The following SSBP3 variants were observed in gnomAD, a reference collection of about 807,000 sequenced individuals.
The protein encoded by SSBP3 is single stranded DNA binding protein 3.
In SSBP3, 5 loss-of-function variants were observed where a neutral mutation model predicts 69.6. That is an observed-to-expected ratio of 0.07 (90% CI 0.04 to 0.15). The LOEUF (loss-of-function observed/expected upper bound fraction) is 0.15, where lower values mean the gene tolerates loss of function less well. Ranked by LOEUF, SSBP3 falls within the 10% of genes least tolerant of loss-of-function variation. SSBP3 has a pLI of 1.00. For missense variants in SSBP3, 312 were observed against 534.0 expected (o/e 0.58, Z 4.10); for synonymous variants, 196 against 193.4 (o/e 1.01, Z -0.11).
At chr1:54,261,410 G>A (rs1645015668) in intron 5 of SSBP3, among the ~76,000 whole-genome samples, 1 of 152,224 alleles carries the variant, frequency 6.6e-6, no homozygotes, top group Non-Finnish European at 1.5e-5. Flanking sequence ...TCGGGCAAAA[G>A]GCTACACAGG....
intron 14 of SSBP3, chr1:54,237,572 T>C (rs1226125332): frequency 6.5e-6 from 1 of 154,012 alleles, no homozygotes; most frequent in African/African-American, 2.4e-5. Flanking sequence ...CTGTTTGGGT[T>C]CTTTCCTCCC....
chr1:54,412,242 T>C (rs1650013301), intron 1 of SSBP3, among the ~76,000 whole-genome samples: 1 of 149,794 alleles, frequency 6.7e-6, no homozygotes, highest in Non-Finnish European at 1.5e-5. Context: ...GGCAGAAGAA[T>C]CGCTTGAACC....
intron 1 of SSBP3, among the ~76,000 whole-genome samples, chr1:54,411,799 G>A (rs1264247996): frequency 6.6e-6 from 1 of 151,318 alleles, no homozygotes; most frequent in Non-Finnish European, 1.5e-5. Context: ...GGCTGAGGCA[G>A]GAGAAAGGCA....
chr1:54,263,109 G>C (rs1220420880), intron 5 of SSBP3, among the ~76,000 whole-genome samples: 1 of 152,200 alleles, frequency 6.6e-6, no homozygotes. Context: ...GGGTGTGATC[G>C]AGGCAAACAC....
upstream of SSBP3, among the ~76,000 whole-genome samples, chr1:54,409,798 C>T (rs187380095): frequency 6.5e-4 from 99 of 152,170 alleles, no homozygotes; most frequent in Non-Finnish European, 1.1e-3. Flanking sequence ...GCTTATTGAA[C>T]GCCTGCTATA....
At chr1:54,257,059 G>C (rs1268043885) in intron 7 of SSBP3, 68 bp downstream of exon 7, 24 of 1,481,496 alleles carry the variant, frequency 1.6e-5, no homozygotes, top group Non-Finnish European at 2.1e-5. Context: ...CTTTCATTTT[G>C]TGTCAAAGTC....
chr1:54,338,686 A>G (rs977577783), intron 4 of SSBP3, among the ~76,000 whole-genome samples: 5 of 152,246 alleles, frequency 3.3e-5, no homozygotes, highest in Non-Finnish European at 5.9e-5. Flanking sequence ...ACAGGGACCC[A>G]ACCACAAGCA....
At chr1:54,359,324 T>C (rs1237446474) in intron 4 of SSBP3, among the ~76,000 whole-genome samples, 1 of 151,766 alleles carries the variant, frequency 6.6e-6, no homozygotes, top group Non-Finnish European at 1.5e-5. Context: ...GGCTACCCTG[T>C]CTGGTAGTGA....
chr1:54,364,626 G>A (rs554195466), intron 4 of SSBP3, among the ~76,000 whole-genome samples: 1 of 152,202 alleles, frequency 6.6e-6, no homozygotes, highest in Non-Finnish European at 1.5e-5. Context: ...GAAAAATGGG[G>A]AGGGGAAGAA....
intron 14 of SSBP3, among the ~76,000 whole-genome samples, chr1:54,235,274 T>G (rs896201742): frequency 1.2e-4 from 3 of 25,174 alleles, no homozygotes; most frequent in African/African-American, 3.9e-4. Flanking sequence ...AGATGTCCAG[T>G]TTTTTTTTTT....
chr1:54,381,204 G>A (rs1647607658), intron 4 of SSBP3, among the ~76,000 whole-genome samples: 1 of 152,040 alleles, frequency 6.6e-6, no homozygotes, highest in Non-Finnish European at 1.5e-5. Context: ...CCAACATGGT[G>A]AAATTCCGTC....
chr1:54,335,849 G>A (rs1646498277), intron 4 of SSBP3: 1 of 152,354 alleles, frequency 6.6e-6, no homozygotes, highest in African/African-American at 2.4e-5. Context: ...CAGCAACGCA[G>A]AGGAATTCCT....
At chr1:54,337,279 G>A (rs1646523633) in intron 4 of SSBP3, among the ~76,000 whole-genome samples, 1 of 152,032 alleles carries the variant, frequency 6.6e-6, no homozygotes. Context: ...CACTCAGGTG[G>A]CACAGTGCAT....
In SSBP3 at chr1:54,402,343, T is replaced by C. The variant is rs898551254; in HGVS notation, c.192-398A>G. ...AAATGTGGACGAGAATCCATACTGT[T>C]CTAATCTGTTTCCTTTTTACCACCC... On this transcript the variant is annotated intron_variant, in intron 3 of 17. Coordinates refer to ENST00000610401, the Ensembl canonical transcript of SSBP3. Among the ~76,000 whole-genome samples the C allele has an allele frequency of 3.9e-5, 6 of 152,242 alleles. No homozygotes were observed. In the South Asian group the frequency reaches 1.0e-3, roughly 26 times the overall value.
intron 4 of SSBP3, among the ~76,000 whole-genome samples, chr1:54,289,497 CAGATG>C (rs1645566173): frequency 6.6e-6 from 1 of 152,158 alleles, no homozygotes; most frequent in South Asian, 2.1e-4. Context: ...CTCACCAGAG[CAGATG>C]ACAGGTTGCA....
At chr1:54,337,829 G>A (rs1431610717) in intron 4 of SSBP3, among the ~76,000 whole-genome samples, 1 of 151,890 alleles carries the variant, frequency 6.6e-6, no homozygotes, top group Non-Finnish European at 1.5e-5. Flanking sequence ...AGTTTTTTGG[G>A]CATAAAAAAT....
At chr1:54,348,247 C>CGGGGGGG (rs34214298) in intron 4 of SSBP3, among the ~76,000 whole-genome samples, 13 of 39,378 alleles carry the variant, frequency 3.3e-4, no homozygotes, top group Non-Finnish European at 4.8e-4. Context: ...GCATGGGGGG[C>CGGGGGGG]GGGGGGGGGG....
At chr1:54,366,174 A>G (rs1647027154) in intron 4 of SSBP3, among the ~76,000 whole-genome samples, 2 of 151,804 alleles carry the variant, frequency 1.3e-5, no homozygotes, top group Admixed American at 1.3e-4. Context: ...TGCTGCTAAC[A>G]CCCCTCTGAT....
chr1:54,287,717 G>T (rs1483186613), intron 4 of SSBP3, among the ~76,000 whole-genome samples: 1 of 150,420 alleles, frequency 6.6e-6, no homozygotes, highest in South Asian at 2.2e-4. Flanking sequence ...TATAAATCAG[G>T]AATGGAAGCG....
Sources: gnomAD v4.1 joint callset for allele counts (sites outside exome capture counted in the v4.1 genomes callset) on GRCh38, gnomAD v4.1.1 for gene constraint, MANE v1.5 for transcripts, NCBI Gene and HGNC (gene_info 2026-07-23, HGNC 2026-07-21) for gene names.